KCNG3: variants seen among roughly 807,000 people sequenced by gnomAD.
The protein encoded by KCNG3 is potassium voltage-gated channel modifier subfamily G member 3.
KCNG3 carries 15 observed loss-of-function variants against 29.0 expected under a neutral mutation model. The ratio of observed to expected loss-of-function variants is 0.52; its 90% CI spans 0.35 to 0.80. The LOEUF (loss-of-function observed/expected upper bound fraction) is 0.80. Among genes scored for constraint, KCNG3 ranks in the 30% least tolerant of loss-of-function variants. The pLI is 0.01. For missense variants in KCNG3, 512 were observed against 605.7 expected, an observed-to-expected ratio of 0.85 and a Z score of 1.62; for synonymous variants, 322 against 248.9, an observed-to-expected ratio of 1.29 and a Z score of -2.76.
chr2:42,473,570 G>C (rs754403366), intron 1 of KCNG3, among the ~76,000 whole-genome samples: 2 of 150,734 alleles, frequency 1.3e-5, no homozygotes, highest in South Asian at 2.1e-4. Flanking sequence ...GGCTGGTCTC[G>C]AACTCCTGAC....
the KCNG3 span, among the ~76,000 whole-genome samples, chr2:42,429,866 T>C: frequency 6.6e-6 from 1 of 152,148 alleles, no homozygotes; most frequent in Non-Finnish European, 1.5e-5. Context: ...GTGAGAGTGA[T>C]GCCAGACCCT....
At chr2:42,429,575 G>A in the KCNG3 span, among the ~76,000 whole-genome samples, 2 of 152,154 alleles carry the variant, frequency 1.3e-5, no homozygotes, top group African/African-American at 4.8e-5. Context: ...TTAACATGGT[G>A]GGCCAGGGTG....
chr2:42,432,094 A>G, the KCNG3 span, among the ~76,000 whole-genome samples: 1 of 152,056 alleles, frequency 6.6e-6, no homozygotes, highest in South Asian at 2.1e-4. Context: ...TGGGTCTTCA[A>G]GGGCTTTTTG....
chr2:42,406,811 G>C, the KCNG3 span, among the ~76,000 whole-genome samples: 1 of 137,538 alleles, frequency 7.3e-6, no homozygotes, highest in East Asian at 2.2e-4. Flanking sequence ...TGGGTGACAG[G>C]GTGAGACTCC....
chr2:42,493,718 T>C lies in KCNG3; in HGVS notation c.-217A>G, dbSNP rs1375796902. ...AGCGCGCCCTCCGCCCGGCGGTACC[T>C]GCGGGTGGCCGGGGAGTCCTCGCCG... On this transcript the variant is annotated 5_prime_UTR_variant, in exon 1 of 2. Coordinates refer to ENST00000306078, the MANE Select transcript of KCNG3 (RefSeq NM_133329.6). The C allele has an allele frequency of 5.6e-6, 2 of 355,876 alleles. No homozygotes were observed. The highest frequency in any genetic ancestry group is 9.9e-6 in the Non-Finnish European group (2 of 202,270). The allele number at this position is 355,876 out of a possible 1,614,324, so 22.0% of individuals were successfully genotyped here.
At chr2:42,407,954 G>A in the KCNG3 span, among the ~76,000 whole-genome samples, 7 of 152,330 alleles carry the variant, frequency 4.6e-5, no homozygotes, top group African/African-American at 9.6e-5. Flanking sequence ...TTGCAGGCTC[G>A]GAAATGCCTG....
chr2:42,475,062 T>C (rs1460005268), intron 1 of KCNG3, among the ~76,000 whole-genome samples: 2 of 152,196 alleles, frequency 1.3e-5, no homozygotes, highest in African/African-American at 2.4e-5. Context: ...AACAAACTTC[T>C]ATAACAAAGG....
intron 1 of KCNG3, among the ~76,000 whole-genome samples, chr2:42,489,030 C>T (rs188238990): frequency 6.6e-6 from 1 of 151,932 alleles, no homozygotes; most frequent in Non-Finnish European, 1.5e-5. Context: ...CACAGTGGCT[C>T]ACACCTGTAA....
chr2:42,490,811 A>C (rs192847133), intron 1 of KCNG3, among the ~76,000 whole-genome samples: 70 of 152,356 alleles, frequency 4.6e-4, no homozygotes, highest in African/African-American at 1.5e-3. Context: ...ATGATGTTTT[A>C]GAAAGACTAA....
rs781696694 is a variant in KCNG3 at position 42,493,530 on chromosome 2, G to A, written c.-29C>T. The A allele has an allele frequency of 1.5e-6, 2 of 1,338,296 alleles. No individual in the cohort carries two copies. Among genetic ancestry groups the A allele is most frequent in the Admixed American group, 7.9e-5 (2 of 25,402 alleles). 82.9% of individuals were successfully genotyped at this position (1,338,296 alleles called of 1,614,324 possible). ...TGGCCGCCCGGGGGACTTTCGGCCC[G>A]AGGGCCCCGCTGCAGCCCCCCACCC... On this transcript the variant is annotated 5_prime_UTR_variant, in exon 1 of 2. Transcript: ENST00000306078.
chr2:42,467,780 G>C (rs1365979600), intron 1 of KCNG3, among the ~76,000 whole-genome samples: 1 of 151,736 alleles, frequency 6.6e-6, no homozygotes, highest in Non-Finnish European at 1.5e-5. Context: ...GACCAGCCTG[G>C]ACAACATGGC....
At chr2:42,411,248 AT>A in the KCNG3 span, among the ~76,000 whole-genome samples, 1 of 151,996 alleles carries the variant, frequency 6.6e-6, no homozygotes, top group Admixed American at 6.6e-5. Context: ...TTTCAATTTT[AT>A]TCTTGCCATT....
At chr2:42,433,822 T>C in the KCNG3 span, among the ~76,000 whole-genome samples, 1 of 152,148 alleles carries the variant, frequency 6.6e-6, no homozygotes, top group Admixed American at 6.5e-5. Flanking sequence ...ATTTCTTCTC[T>C]TTTCCTTAAA....
chr2:42,466,591 C>A (rs1389802480), intron 1 of KCNG3, among the ~76,000 whole-genome samples: 2 of 152,062 alleles, frequency 1.3e-5, no homozygotes, highest in Non-Finnish European at 2.9e-5. Context: ...TGTGAGGACT[C>A]TCTATGACGT....
intron 1 of KCNG3, among the ~76,000 whole-genome samples, chr2:42,448,420 AT>A (rs1213617072): frequency 9.3e-5 from 14 of 151,150 alleles, no homozygotes; most frequent in South Asian, 4.2e-4. Flanking sequence ...ATGGTTCCTA[AT>A]TTTTTTCCCC....
chr2:42,394,945 C>G, the KCNG3 span, among the ~76,000 whole-genome samples: 1 of 152,230 alleles, frequency 6.6e-6, no homozygotes, highest in East Asian at 1.9e-4. Context: ...TGGTGTAGTA[C>G]TGAGCAATTC....
At chr2:42,417,481 T>C in the KCNG3 span, among the ~76,000 whole-genome samples, 1 of 151,830 alleles carries the variant, frequency 6.6e-6, no homozygotes, top group Non-Finnish European at 1.5e-5. Context: ...CTAACACACT[T>C]GGCTAATTTT....
the KCNG3 span, among the ~76,000 whole-genome samples, chr2:42,418,886 C>G: frequency 6.6e-6 from 1 of 152,238 alleles, no homozygotes; most frequent in Non-Finnish European, 1.5e-5. Flanking sequence ...ATAATATTCA[C>G]TTTTTTCTTC....
At chr2:42,454,746 G>A (rs1017965095) in intron 1 of KCNG3, among the ~76,000 whole-genome samples, 3 of 152,020 alleles carry the variant, frequency 2.0e-5, no homozygotes, top group South Asian at 2.1e-4. Context: ...ATCCTGTTAC[G>A]TGGATGAACC....
Sources: gnomAD v4.1 joint callset for allele counts (sites outside exome capture counted in the v4.1 genomes callset) on GRCh38, gnomAD v4.1.1 for gene constraint, MANE v1.5 for transcripts, NCBI Gene and HGNC (gene_info 2026-07-23, HGNC 2026-07-21) for gene names.